The following FBXO17 variants were observed in gnomAD, a reference collection of about 807,000 sequenced individuals.
The protein encoded by FBXO17 is F-box only protein 17.
A neutral mutation model predicts 34.1 loss-of-function variants in FBXO17; 43 were observed. The ratio of observed to expected loss-of-function variants is 1.26; its 90% CI spans 0.99 to 1.62. The LOEUF (loss-of-function observed/expected upper bound fraction) is 1.62. Among genes scored for constraint, FBXO17 ranks in the 40% most tolerant of loss-of-function variants. The pLI is 0.00. For synonymous variants in FBXO17, 169 were observed against 166.0 expected (o/e 1.02, Z -0.14); for missense variants, 424 against 386.7 (o/e 1.10, Z -0.81).
chr19:38,965,966 TTTTA>T (rs915236150), intron 1 of FBXO17, among the ~76,000 whole-genome samples: 7 of 151,772 alleles, frequency 4.6e-5, no homozygotes, highest in South Asian at 2.1e-4. Context: ...ATTTATTTAT[TTTTA>T]TTTATTTATT....
chr19:38,945,669 G>A, intron 4 of FBXO17: 1 of 180,762 alleles, frequency 5.5e-6, no homozygotes, highest in East Asian at 2.0e-4. Flanking sequence ...CCAGAGCCTG[G>A]GGGAGGGGCC....
At chr19:38,953,206 T>A (rs914818619) in intron 1 of FBXO17, among the ~76,000 whole-genome samples, 3 of 150,880 alleles carry the variant, frequency 2.0e-5, no homozygotes, top group Non-Finnish European at 3.0e-5. Context: ...ACTCCAGAGG[T>A]TAAGGTGGGA....
At chr19:38,969,274 C>A (rs1281569242) in intron 1 of FBXO17, among the ~76,000 whole-genome samples, 1 of 151,670 alleles carries the variant, frequency 6.6e-6, no homozygotes, top group Non-Finnish European at 1.5e-5. Context: ...CATAGTGAGA[C>A]CCCCGTCTCT....
chr19:38,966,684 C>A (rs958569216), intron 1 of FBXO17, among the ~76,000 whole-genome samples: 10 of 152,026 alleles, frequency 6.6e-5, no homozygotes, highest in Admixed American at 3.3e-4. Flanking sequence ...ATGAGAAATT[C>A]TAGGAAAAAC....
intron 1 of FBXO17, among the ~76,000 whole-genome samples, chr19:38,966,313 G>GTGTGTGTGTC (rs1232898517): frequency 6.6e-6 from 1 of 151,474 alleles, no homozygotes; most frequent in Non-Finnish European, 1.5e-5. Flanking sequence ...GTGTGTGTGT[G>GTGTGTGTGTC]TGTGTGTGGA....
At chr19:38,947,535 CAAGA>C (rs1975002847) in intron 3 of FBXO17, 1 of 151,902 alleles carries the variant, frequency 6.6e-6, no homozygotes, top group East Asian at 1.9e-4. Context: ...TGCAGTGAGC[CAAGA>C]TTGCGCCACT....
chr19:38,946,488 T>A lies in FBXO17; in HGVS notation c.541A>T (p.Ile181Phe). ...QELLDSAQIE[I>F]CVADWWGARE... Reference sequence around the variant, plus strand: ...CTCACTCACCAGTCAGCCACACAGATCTCAATCTGGGCGCTGTCCAGCAGC... The same window carrying A: ...CTCACTCACCAGTCAGCCACACAGAACTCAATCTGGGCGCTGTCCAGCAGC... Residue 181 changes from isoleucine (I) to phenylalanine (F), a missense_variant, in exon 4 of 6, where the codon ATC becomes TTC. Ile to Phe is a conservative substitution (Grantham distance 21). Coordinates refer to ENST00000292852, the MANE Select transcript of FBXO17 (RefSeq NM_024907.7). The A allele has an allele frequency of 6.2e-7, 1 of 1,613,992 alleles. No individual in the cohort carries two copies. The highest frequency in any genetic ancestry group is 8.5e-7 in the Non-Finnish European group (1 of 1,179,922).
rs150560495 is a variant in FBXO17, at chr19:38,963,148, T to C, written c.-18+12438A>G. 5.4e-3 allele frequency among the ~76,000 whole-genome samples: 819 copies of C among 152,296 alleles called. 8 individuals carry two copies. The highest frequency in any genetic ancestry group is 0.018 in the African/African-American group (739 of 41,564). On this transcript the variant is annotated intron_variant, in intron 1 of 5. Coordinates refer to ENST00000292852, the MANE Select transcript of FBXO17 (RefSeq NM_024907.7). The stretch of plus-strand genomic sequence containing the variant: ...TGTGGTTTGTCTCCTGGTTGGATCC[T>C]GACTGATACACACAGTATGTGTCTC...
Position 38,952,923 on chromosome 19 carries a change from G to A in FBXO17, c.-17-2587C>T, listed in dbSNP as rs559247185. ...TCCAACCCACTGTGATCTCCCATCC[G>A]TTGTCCCTTTCATATTTTACTCCCC... On this transcript the variant is annotated intron_variant, in intron 1 of 5. Transcript: ENST00000292852. The A allele has an allele frequency of 1.4e-3, 624 of 440,932 alleles. 1 individual carries two copies. Among genetic ancestry groups the A allele is most frequent in the Non-Finnish European group, 2.2e-3 (473 of 216,238 alleles). 27.3% of individuals were successfully genotyped at this position (440,932 alleles called of 1,614,324 possible).
At chr19:38,942,813 A>G in intron 5 of FBXO17, 62 bp from the exon 6 acceptor site, 3 of 1,563,722 alleles carry the variant, frequency 1.9e-6, no homozygotes, top group Non-Finnish European at 1.7e-6. Flanking sequence ...CCTCCACTTC[A>G]ACAGATAGGC....
At chr19:38,950,387 C>G in intron 1 of FBXO17, 51 bp from the exon 2 acceptor site, 1 of 1,390,186 alleles carries the variant, frequency 7.2e-7, no homozygotes, top group East Asian at 2.9e-5. Flanking sequence ...AGGCCACCCC[C>G]TCCCTACCTT....
chr19:38,942,556 A>C lies in FBXO17; in HGVS notation c.*52T>G. On this transcript the variant is annotated 3_prime_UTR_variant, in exon 6 of 6. Transcript: ENST00000292852. Reference sequence around the variant, plus strand: ...GGATTCCACAGGTGTGAGCCACTGCACCTGGCTGCAAGGCTGGTCTTGACT... The same window carrying C: ...GGATTCCACAGGTGTGAGCCACTGCCCCTGGCTGCAAGGCTGGTCTTGACT... 6.7e-7 allele frequency: 1 copy of C among 1,482,172 alleles called. No homozygotes were observed. Among genetic ancestry groups the C allele is most frequent in the South Asian group, 1.4e-5 (1 of 69,024 alleles). The allele number at this position is 1,482,172 out of a possible 1,614,324, so 91.8% of individuals were successfully genotyped here.
In FBXO17 at chr19:38,975,149, C is replaced by A. The variant is rs1326148013; in HGVS notation, c.-18+437G>T. Among the ~76,000 whole-genome samples, 1 of 152,212 alleles carries A rather than the reference C, an allele frequency of 6.6e-6. No individual in the cohort carries two copies. Among genetic ancestry groups the A allele is most frequent in the African/African-American group, 2.4e-5 (1 of 41,456 alleles). On this transcript the variant is annotated intron_variant, in intron 1 of 5. Transcript: ENST00000292852. This position sits in a 1 kb window ranked among gnomAD's most constrained non-coding sequence, Gnocchi z 4.9. ...TAAATCGAGAAACCGCCCTCCAAGG[C>A]TTCTGATTCACAGATTCTGCGAAGG...
chr19:38,966,018 A>G (rs1310673452), intron 1 of FBXO17, among the ~76,000 whole-genome samples: 1 of 151,508 alleles, frequency 6.6e-6, no homozygotes. Flanking sequence ...TCACCCAGGC[A>G]GGAGTGCAGT....
Position 38,942,396 on chromosome 19 carries a change from G to A in FBXO17, c.*212C>T. 2.5e-6 allele frequency: 1 copy of A among 404,050 alleles called. No homozygotes were observed. The allele number at this position is 404,050 out of a possible 1,614,324, so 25.0% of individuals were successfully genotyped here. Reference sequence around the variant, plus strand: ...CCCACCCAAGCCTCCTGAGTAGCTGGGACTACAGGCGGCACCACCATGCCT... The same window carrying A: ...CCCACCCAAGCCTCCTGAGTAGCTGAGACTACAGGCGGCACCACCATGCCT... On this transcript the variant is annotated 3_prime_UTR_variant, in exon 6 of 6. Coordinates refer to ENST00000292852, the MANE Select transcript of FBXO17 (RefSeq NM_024907.7).
chr19:38,961,501 C>T (rs1335764092), intron 1 of FBXO17, among the ~76,000 whole-genome samples: 1 of 151,956 alleles, frequency 6.6e-6, no homozygotes, highest in Non-Finnish European at 1.5e-5. Context: ...TCTCAAACTC[C>T]TGACCTCAGG....
intron 1 of FBXO17, among the ~76,000 whole-genome samples, chr19:38,973,129 C>G (rs1245376822): frequency 6.6e-6 from 1 of 151,924 alleles, no homozygotes; most frequent in African/African-American, 2.4e-5. Context: ...AATTCCAGCA[C>G]TTTGGGAGGC....
At position 38,975,301 on chromosome 19, in the gene FBXO17, A is replaced by T. The variant is rs1394208012; in HGVS notation, c.-18+285T>A. The stretch of plus-strand genomic sequence containing the variant: ...TTTTGGATGGTGGCCTCCGCGGACG[A>T]GCGCAGGGATGGAGAGGCCTGGGCG... On this transcript the variant is annotated intron_variant, in intron 1 of 5. Coordinates refer to ENST00000292852, the MANE Select transcript of FBXO17 (RefSeq NM_024907.7). The surrounding 1 kb of genome is among the most constrained non-coding windows in gnomAD (Gnocchi z 4.9). 6.6e-6 allele frequency among the ~76,000 whole-genome samples: 1 copy of T among 152,316 alleles called. No individual in the cohort carries two copies. The highest frequency in any genetic ancestry group is 1.9e-4 in the East Asian group (1 of 5,182).
intron 1 of FBXO17, among the ~76,000 whole-genome samples, chr19:38,961,993 T>C (rs533278209): frequency 6.6e-6 from 1 of 152,114 alleles, no homozygotes; most frequent in South Asian, 2.1e-4. Flanking sequence ...CAATTTTTCT[T>C]TTCTATAATT....
Sources: allele counts gnomAD v4.1 joint callset (sites outside exome capture counted in the v4.1 genomes callset), GRCh38; gene constraint gnomAD v4.1.1; non-coding constraint Gnocchi (gnomAD v3.1); transcripts MANE v1.5; gene names NCBI Gene and HGNC (gene_info 2026-07-23, HGNC 2026-07-21).